NGF: variants seen among roughly 807,000 people sequenced by gnomAD.
The protein encoded by NGF is beta-nerve growth factor.
Under a neutral mutation model 12.8 loss-of-function variants are expected in NGF, and 4 were observed. The observed-to-expected ratio is 0.31, with a 90% CI of 0.15 to 0.72. The LOEUF is 0.72. NGF is among the 30% of genes least tolerant of loss of function. NGF has a pLI of 0.69. For synonymous variants in NGF, 140 were observed against 130.0 expected, an observed-to-expected ratio of 1.08 and a Z score of -0.52; for missense variants, 283 against 330.8, an observed-to-expected ratio of 0.86 and a Z score of 1.12.
At chr1:115,338,031 C>G (rs1317247475) in intron 1 of NGF, among the ~76,000 whole-genome samples, 173 bp downstream of exon 1, 1 of 152,178 alleles carries the variant, frequency 6.6e-6, no homozygotes, top group Non-Finnish European at 1.5e-5. Context: ...CCCGCGCCCC[C>G]ACACCCACTC....
chr1:115,316,787 G>A lies in NGF; in HGVS notation c.-137+21417C>T, dbSNP rs199661862. 2.7e-4 allele frequency among the ~76,000 whole-genome samples: 41 copies of A among 152,192 alleles called. No individual in the cohort carries two copies. The East Asian group carries it at 6.4e-3, about 24-fold the overall frequency. The stretch of plus-strand genomic sequence containing the variant: ...ATCTAGAATTTTAAGATAAAATTTT[G>A]TTAAGGGATATTGCATATTAAAAAA... On this transcript the variant is annotated intron_variant, in intron 1 of 2. Transcript: ENST00000369512.
At chr1:115,305,398 CT>C (rs1291387092) in intron 1 of NGF, among the ~76,000 whole-genome samples, 2 of 152,146 alleles carry the variant, frequency 1.3e-5, no homozygotes, top group Admixed American at 1.3e-4. Context: ...CAATTCACTC[CT>C]TTTTAACCCT....
At chr1:115,322,782 G>A (rs964977544) in intron 1 of NGF, among the ~76,000 whole-genome samples, 16 of 152,118 alleles carry the variant, frequency 1.1e-4, no homozygotes, top group African/African-American at 3.4e-4. Context: ...ACAAATGAGT[G>A]GTCAGTCACC....
chr1:115,336,473 A>G (rs772505343), intron 1 of NGF, among the ~76,000 whole-genome samples: 16 of 152,206 alleles, frequency 1.1e-4, no homozygotes, highest in South Asian at 6.2e-4. Context: ...GTGTGAGTCA[A>G]TTCCAGCTAG....
chr1:115,309,482 T>C (rs1179157115), intron 1 of NGF, among the ~76,000 whole-genome samples: 7 of 152,216 alleles, frequency 4.6e-5, no homozygotes, highest in African/African-American at 1.7e-4. Context: ...AATGGCAGTT[T>C]TGTTACATAG....
intron 2 of NGF, among the ~76,000 whole-genome samples, chr1:115,290,325 C>T (rs942548564): frequency 4.7e-5 from 7 of 148,452 alleles, no homozygotes; most frequent in African/African-American, 1.5e-4. Context: ...CCTTCAACAA[C>T]TTCAATGCTG....
chr1:115,336,779 G>T (rs891512171), intron 1 of NGF, among the ~76,000 whole-genome samples: 1 of 152,318 alleles, frequency 6.6e-6, no homozygotes, highest in South Asian at 2.1e-4. Flanking sequence ...CTTAACTGAC[G>T]GCTTCAAGAG....
At chr1:115,322,673 G>A (rs536672744) in intron 1 of NGF, among the ~76,000 whole-genome samples, 4 of 152,118 alleles carry the variant, frequency 2.6e-5, no homozygotes, top group Non-Finnish European at 5.9e-5. Flanking sequence ...TTGTGTGCCC[G>A]GAACTATGTT....
chr1:115,292,606 G>A (rs1040119374), intron 2 of NGF, among the ~76,000 whole-genome samples: 1 of 152,136 alleles, frequency 6.6e-6, no homozygotes, highest in Non-Finnish European at 1.5e-5. Flanking sequence ...TGAGTGGCAG[G>A]GCCAGTCCGT....
intron 1 of NGF, among the ~76,000 whole-genome samples, chr1:115,296,162 C>G (rs972350224): frequency 1.3e-5 from 2 of 152,004 alleles, no homozygotes; most frequent in Non-Finnish European, 2.9e-5. Flanking sequence ...GAAGGAAAGG[C>G]CCCAGAGTTC....
At chr1:115,332,697 T>A (rs1654954897) in intron 1 of NGF, among the ~76,000 whole-genome samples, 1 of 152,250 alleles carries the variant, frequency 6.6e-6, no homozygotes, top group African/African-American at 2.4e-5. Context: ...ACTACTAATA[T>A]CTTTGTCTTA....
At chr1:115,326,735 G>A (rs1334958435) in intron 1 of NGF, among the ~76,000 whole-genome samples, 1 of 152,020 alleles carries the variant, frequency 6.6e-6, no homozygotes, top group Non-Finnish European at 1.5e-5. Flanking sequence ...TCAATACCAG[G>A]GCAAGTGACT....
At chr1:115,302,754 G>A (rs12088144) in intron 1 of NGF, among the ~76,000 whole-genome samples, 1 of 152,156 alleles carries the variant, frequency 6.6e-6, no homozygotes, top group Non-Finnish European at 1.5e-5. Flanking sequence ...GACTGCCACA[G>A]CTCCCTCTGT....
chr1:115,323,758 A>C (rs1654692361), intron 1 of NGF, among the ~76,000 whole-genome samples: 1 of 152,222 alleles, frequency 6.6e-6, no homozygotes, highest in Non-Finnish European at 1.5e-5. Flanking sequence ...AGACTAATAA[A>C]ATGAGGTGTT....
At chr1:115,337,275 T>G (rs200323992) in intron 1 of NGF, among the ~76,000 whole-genome samples, 8,925 of 67,338 alleles carry the variant, frequency 0.13, 758 homozygotes, top group East Asian at 0.41. Flanking sequence ...TTGTTTTTTT[T>G]TTTTTTTTTT....
Position 115,318,603 on chromosome 1 carries a change from G to T in NGF, c.-137+19601C>A, listed in dbSNP as rs1654533125. 2.0e-5 allele frequency among the ~76,000 whole-genome samples: 3 copies of T among 152,134 alleles called. No individual in the cohort carries two copies. In the South Asian group the frequency reaches 6.2e-4, roughly 32 times the overall value. ...CAGTCTGTCTGCTCACCCAGCACCA[G>T]CCTCCACCCCTATATACTCTGTGAT... On this transcript the variant is annotated intron_variant, in intron 1 of 2. Coordinates refer to ENST00000369512, the MANE Select transcript of NGF (RefSeq NM_002506.3).
chr1:115,329,509 T>C (rs1306330644), intron 1 of NGF, among the ~76,000 whole-genome samples: 1 of 152,188 alleles, frequency 6.6e-6, no homozygotes, highest in Non-Finnish European at 1.5e-5. Flanking sequence ...TTTTTGACTA[T>C]GACTTATAGT....
intron 1 of NGF, among the ~76,000 whole-genome samples, chr1:115,325,308 G>T (rs762696477): frequency 2.0e-5 from 3 of 152,164 alleles, no homozygotes; most frequent in South Asian, 4.1e-4. Context: ...GGTCCAGATC[G>T]TATAAGGCAG....
chr1:115,327,263 A>T (rs1654802929), intron 1 of NGF, among the ~76,000 whole-genome samples: 1 of 152,262 alleles, frequency 6.6e-6, no homozygotes, highest in African/African-American at 2.4e-5. Context: ...TGGCTTAATC[A>T]TAAAGATGCT....
Sources: gnomAD v4.1 joint callset for allele counts (sites outside exome capture counted in the v4.1 genomes callset) on GRCh38, gnomAD v4.1.1 for gene constraint, MANE v1.5 for transcripts, NCBI Gene and HGNC (gene_info 2026-07-23, HGNC 2026-07-21) for gene names.